MDGA2: variants seen among roughly 807,000 people sequenced by gnomAD.
The protein encoded by MDGA2 is MAM domain containing glycosylphosphatidylinositol anchor 2, also known as MAM domain-containing glycosylphosphatidylinositol anchor protein 2.
MDGA2 carries 40 observed loss-of-function variants against 117.8 expected under a neutral mutation model. The ratio of observed to expected loss-of-function variants is 0.34; its 90% CI spans 0.26 to 0.44. The LOEUF is 0.44. MDGA2 is among the 20% of genes least tolerant of loss of function. The pLI, the probability that MDGA2 is intolerant of heterozygous loss-of-function variation, is 1.00. For synonymous variants in MDGA2, 452 were observed against 439.0 expected, an observed-to-expected ratio of 1.03 and a Z score of -0.37; for missense variants, 1,123 against 1,250.6, an observed-to-expected ratio of 0.90 and a Z score of 1.54.
intron 1 of MDGA2, among the ~76,000 whole-genome samples, chr14:47,471,834 T>C (rs1893734685): frequency 6.6e-6 from 1 of 152,096 alleles, no homozygotes; most frequent in African/African-American, 2.4e-5. Flanking sequence ...AATAATTAAC[T>C]AAATTGGAAG....
intron 1 of MDGA2, among the ~76,000 whole-genome samples, chr14:47,460,736 T>C (rs961229514): frequency 6.6e-6 from 1 of 152,054 alleles, no homozygotes; most frequent in African/African-American, 2.4e-5. Flanking sequence ...AGGGGGCCCC[T>C]GGTTCTAGGT....
chr14:47,318,101 C>G (rs1391477875), intron 1 of MDGA2, among the ~76,000 whole-genome samples: 1 of 152,086 alleles, frequency 6.6e-6, no homozygotes, highest in Non-Finnish European at 1.5e-5. Context: ...ATCTCTCACT[C>G]CAACCACTGC....
intron 8 of MDGA2, among the ~76,000 whole-genome samples, chr14:47,024,185 T>C (rs1594538458): frequency 1.3e-5 from 2 of 152,222 alleles, no homozygotes; most frequent in Non-Finnish European, 2.9e-5. Flanking sequence ...TCTATATCTA[T>C]GTATATCTGT....
At chr14:47,570,140 AT>A (rs1194006719) in intron 1 of MDGA2, among the ~76,000 whole-genome samples, 3 of 152,220 alleles carry the variant, frequency 2.0e-5, no homozygotes, top group African/African-American at 7.2e-5. Context: ...AACCTTAAAA[AT>A]GTTATCTTCT....
chr14:47,409,614 T>C (rs978309318), intron 1 of MDGA2, among the ~76,000 whole-genome samples: 2 of 152,190 alleles, frequency 1.3e-5, no homozygotes, highest in Non-Finnish European at 2.9e-5. Flanking sequence ...TTCAGTTTTC[T>C]AAGAAGAGTT....
intron 1 of MDGA2, among the ~76,000 whole-genome samples, chr14:47,581,321 C>A (rs1428811137): frequency 1.3e-5 from 2 of 151,920 alleles, no homozygotes; most frequent in Non-Finnish European, 2.9e-5. Flanking sequence ...TTCACTCAAT[C>A]CTCATTTTCA....
intron 1 of MDGA2, among the ~76,000 whole-genome samples, chr14:47,335,528 T>G (rs371365148): frequency 6.6e-6 from 1 of 151,244 alleles, no homozygotes; most frequent in South Asian, 2.1e-4. Context: ...GGGACAGTCA[T>G]GGCAAATAAG....
intron 14 of MDGA2, among the ~76,000 whole-genome samples, chr14:46,858,135 T>C (rs1398286212): frequency 1.3e-5 from 2 of 151,238 alleles, no homozygotes; most frequent in African/African-American, 4.8e-5. Flanking sequence ...TTCTTCAATA[T>C]TTTCCCCTAT....
chr14:47,645,523 C>T (rs901109726), intron 1 of MDGA2, among the ~76,000 whole-genome samples: 17 of 151,730 alleles, frequency 1.1e-4, no homozygotes, highest in East Asian at 9.8e-4. Context: ...CGTGAGCCAC[C>T]GCGCCCGGCC....
chr14:47,626,218 T>A (rs1214442041), intron 1 of MDGA2: 1 of 152,282 alleles, frequency 6.6e-6, no homozygotes, highest in Non-Finnish European at 1.5e-5. Context: ...GATTTTTTGG[T>A]TTTTTTGTTT....
chr14:47,671,737 T>C (rs1898079660), intron 1 of MDGA2, among the ~76,000 whole-genome samples: 2 of 152,224 alleles, frequency 1.3e-5, no homozygotes, highest in South Asian at 4.1e-4. Flanking sequence ...GCCTTTTAAA[T>C]TAATCATTCT....
intron 1 of MDGA2, among the ~76,000 whole-genome samples, chr14:47,310,276 T>C (rs185302339): frequency 3.9e-5 from 6 of 152,194 alleles, no homozygotes; most frequent in Admixed American, 3.3e-4. Flanking sequence ...AACATTCTTT[T>C]CAAATACAGC....
chr14:47,105,912 T>C (rs1454414683), intron 5 of MDGA2, among the ~76,000 whole-genome samples: 1 of 151,622 alleles, frequency 6.6e-6, no homozygotes, highest in Non-Finnish European at 1.5e-5. Flanking sequence ...CTCCACCCTA[T>C]AATCTTTTTA....
At chr14:46,992,322 C>T (rs1013226023) in intron 8 of MDGA2, among the ~76,000 whole-genome samples, 6 of 151,938 alleles carry the variant, frequency 3.9e-5, no homozygotes, top group Non-Finnish European at 8.8e-5. Context: ...TATTCAAAAG[C>T]AAAAATAAAA....
chr14:46,988,776 T>C (rs542440851), intron 8 of MDGA2, among the ~76,000 whole-genome samples: 8 of 152,228 alleles, frequency 5.3e-5, no homozygotes, highest in Non-Finnish European at 1.0e-4. Flanking sequence ...ATAATGATTC[T>C]ACCAGCAGGA....
intron 7 of MDGA2, among the ~76,000 whole-genome samples, chr14:47,038,500 T>C (rs1888940245): frequency 6.6e-6 from 1 of 152,218 alleles, no homozygotes. Context: ...TTCATGTATT[T>C]AGATAAACTT....
Position 47,144,053 on chromosome 14 carries a change from G to A in MDGA2, c.792+25C>T, listed in dbSNP as rs867208847. The A allele has an allele frequency of 2.0e-6, 3 of 1,498,174 alleles. No individual in the cohort carries two copies. In the African/African-American group the frequency reaches 4.2e-5, roughly 21 times the overall value. The allele number at this position is 1,498,174 out of a possible 1,614,324, so 92.8% of individuals were successfully genotyped here. ...GGAAAGTATCCTAGCAGAGTAGGGT[G>A]GAAATACTGTACCTTAATTCATACC... is the stretch of plus-strand genomic sequence containing the variant. On this transcript the variant is annotated intron_variant, in intron 4 of 16. Coordinates refer to ENST00000399232, the MANE Select transcript of MDGA2 (RefSeq NM_001113498.3).
At chr14:47,172,648 T>C (rs1018723165) in intron 3 of MDGA2, among the ~76,000 whole-genome samples, 1 of 152,092 alleles carries the variant, frequency 6.6e-6, no homozygotes, top group African/African-American at 2.4e-5. Flanking sequence ...AACCCATCTG[T>C]ACATCACCAT....
At chr14:46,969,593 G>A (rs1595077786) in intron 8 of MDGA2, among the ~76,000 whole-genome samples, 2 of 152,018 alleles carry the variant, frequency 1.3e-5, no homozygotes, top group African/African-American at 4.8e-5. Context: ...TTGTTGATGG[G>A]GTTGTTTGTT....
Sources: gnomAD v4.1 joint callset for allele counts (sites outside exome capture counted in the v4.1 genomes callset) on GRCh38, gnomAD v4.1.1 for gene constraint, MANE v1.5 for transcripts, NCBI Gene and HGNC (gene_info 2026-07-23, HGNC 2026-07-21) for gene names.